ARSF: variants seen among roughly 807,000 people sequenced by gnomAD.
ARSF encodes the protein arylsulfatase F.
In ARSF, 33 loss-of-function variants were observed where a neutral mutation model predicts 35.4. The ratio of observed to expected loss-of-function variants is 0.93; its 90% CI spans 0.71 to 1.25. The LOEUF (loss-of-function observed/expected upper bound fraction) is 1.25. Ranked by LOEUF, ARSF falls within the 50% of genes most tolerant of loss-of-function variation. The pLI, the probability that ARSF is intolerant of heterozygous loss-of-function variation, is 0.00. For missense variants in ARSF, 501 were observed against 480.2 expected (o/e 1.04, Z -0.40); for synonymous variants, 222 against 193.1 (o/e 1.15, Z -1.24).
intron 1 of ARSF, among the ~76,000 whole-genome samples, chrX:3,064,204 A>G (rs961022303): frequency 1.2e-4 from 14 of 112,322 alleles, no homozygotes; most frequent in African/African-American, 4.5e-4. Flanking sequence ...GAAATGGGGA[A>G]AAGATTCCCT....
intron 8 of ARSF, 30 bp from the exon 9 acceptor site, chrX:3,103,732 A>G: frequency 1.7e-6 from 2 of 1,205,438 alleles, no homozygotes; most frequent in Non-Finnish European, 2.2e-6. Context: ...ACTAGGCACA[A>G]TAATTGAACT....
chrX:3,110,032 G>T, intron 9 of ARSF, 96 bp from the exon 10 acceptor site: 1 of 904,973 alleles, frequency 1.1e-6, no homozygotes, highest in Non-Finnish European at 1.5e-6. Flanking sequence ...TGGACCTGAG[G>T]CATGACGCAG....
intron 9 of ARSF, among the ~76,000 whole-genome samples, chrX:3,105,921 C>A (rs758765113): frequency 8.9e-6 from 1 of 112,084 alleles, no homozygotes; most frequent in Non-Finnish European, 1.9e-5. Flanking sequence ...AGGGAGACGG[C>A]AAATGTCCAG....
chrX:3,073,536 A>G (rs866771358), intron 3 of ARSF, among the ~76,000 whole-genome samples: 1 of 89,707 alleles, frequency 1.1e-5, no homozygotes, highest in East Asian at 2.9e-4. Context: ...ATATATTAAT[A>G]AATAAATATA....
intron 9 of ARSF, among the ~76,000 whole-genome samples, chrX:3,108,488 A>C (rs930171179): frequency 1.4e-4 from 16 of 111,495 alleles, no homozygotes; most frequent in African/African-American, 5.2e-4. Context: ...TTCTCATACA[A>C]ATTTTTCACA....
chrX:3,047,538 C>G (rs2089980545), intron 1 of ARSF, among the ~76,000 whole-genome samples: 1 of 110,691 alleles, frequency 9.0e-6, no homozygotes, highest in African/African-American at 3.3e-5. Context: ...GGTGCAGGGC[C>G]CGCAGCTCAC....
At position 3,112,642 on chromosome X, in the gene ARSF, G is replaced by T; in HGVS notation, c.*86G>T. On this transcript the variant is annotated 3_prime_UTR_variant, in exon 11 of 11. Coordinates refer to ENST00000381127, the MANE Select transcript of ARSF (RefSeq NM_001201539.2). Reference sequence around the variant, plus strand: ...GCTACCAAAGGAAGCACTAACTTTGGTGCTTTCAAGTTGGCAAGGAGTGCA... The same window carrying T: ...GCTACCAAAGGAAGCACTAACTTTGTTGCTTTCAAGTTGGCAAGGAGTGCA... The T allele has an allele frequency of 3.7e-6, 4 of 1,067,838 alleles. No homozygotes were observed. The highest frequency in any genetic ancestry group is 4.9e-6 in the Non-Finnish European group (4 of 822,307). 88.0% of individuals were successfully genotyped at this position (1,067,838 alleles called of 1,213,427 possible). A position where few individuals can be genotyped will look rare whatever the true frequency, so the allele number is the denominator to read the frequency against.
intron 6 of ARSF, among the ~76,000 whole-genome samples, chrX:3,086,808 G>A (rs1009354773): frequency 8.1e-5 from 9 of 111,184 alleles, no homozygotes; most frequent in African/African-American, 2.9e-4. Context: ...ACAGAGTGAG[G>A]CCCTGTCTTA....
At chrX:3,093,703 G>C (rs376429873) in intron 7 of ARSF, among the ~76,000 whole-genome samples, 5 of 111,697 alleles carry the variant, frequency 4.5e-5, no homozygotes, top group South Asian at 3.8e-4. Flanking sequence ...AATCATGCAA[G>C]TGCCTGTGTC....
chrX:3,066,177 G>A (rs781161810), intron 1 of ARSF, among the ~76,000 whole-genome samples: 4 of 111,728 alleles, frequency 3.6e-5, no homozygotes, highest in Non-Finnish European at 7.5e-5. Context: ...TCACAAGGTG[G>A]TGTTTGGTTT....
chrX:3,041,295 TTTTC>T (rs1209338675), upstream of ARSF, among the ~76,000 whole-genome samples: 9 of 35,928 alleles, frequency 2.5e-4, no homozygotes, highest in African/African-American at 1.4e-3. Flanking sequence ...TTTCTTTTCT[TTTTC>T]TTTTTTTTTT....
At chrX:3,071,204 C>G (rs1336835874) in intron 2 of ARSF, among the ~76,000 whole-genome samples, 1 of 111,395 alleles carries the variant, frequency 9.0e-6, no homozygotes, top group Non-Finnish European at 1.9e-5. Context: ...TTTCTTTATC[C>G]ACTCATTGAT....
rs755757270 is a variant in ARSF, at chrX:3,084,344, G to A, written c.508G>A (p.Val170Ile). 3.1e-5 allele frequency: 38 copies of A among 1,209,797 alleles called. No individual in the cohort carries two copies. The Middle Eastern group carries it at 6.9e-4, about 22-fold the overall frequency. ...DYYYGMPFTL[V>I]DSCWPDPSRN... is the part of the protein sequence containing the mutation. ...CTACTATGGCATGCCGTTCACTCTC[G>A]TTGACAGCTGCTGGCCGGACCCCTC... Residue 170 changes from valine (V) to isoleucine (I), a missense_variant, in exon 6 of 11, where the codon GTT becomes ATT. Val to Ile is a conservative substitution (Grantham distance 29, BLOSUM62 3). Transcript: ENST00000381127.
intron 2 of ARSF, 129 bp from the exon 3 acceptor site, chrX:3,071,897 C>T: frequency 1.5e-6 from 1 of 669,519 alleles, no homozygotes; most frequent in South Asian, 2.6e-5. Context: ...GAGAGACACT[C>T]TTGAGCTTCA....
At chrX:3,093,291 C>T (rs1317995337) in intron 7 of ARSF, among the ~76,000 whole-genome samples, 3 of 111,661 alleles carry the variant, frequency 2.7e-5, no homozygotes, top group Admixed American at 1.9e-4. Context: ...TCAGGGAGTA[C>T]GCATGCAGGT....
At chrX:3,077,109 C>T (rs2090158513) in intron 4 of ARSF, among the ~76,000 whole-genome samples, 1 of 111,961 alleles carries the variant, frequency 8.9e-6, no homozygotes, top group African/African-American at 3.2e-5. Context: ...CTGGCACACA[C>T]AGCTAGCACT....
chrX:3,076,686 G>A lies in ARSF; in HGVS notation c.283+17G>A. 1.7e-6 allele frequency: 2 copies of A among 1,204,014 alleles called. No homozygotes were observed. Among genetic ancestry groups the A allele is most frequent in the African/African-American group, 3.5e-5 (2 of 57,589 alleles). On this transcript the variant is annotated intron_variant, in intron 4 of 10. Coordinates refer to ENST00000381127, the MANE Select transcript of ARSF (RefSeq NM_001201539.2). ...TCCGATCAGGTGCGCAAACTGGCGG[G>A]CTCTGCTGGGCTCTGCCCTCATGTT... is the stretch of plus-strand genomic sequence containing the variant.
intron 9 of ARSF, among the ~76,000 whole-genome samples, chrX:3,104,977 G>A (rs1207633349): frequency 9.0e-6 from 1 of 111,563 alleles, no homozygotes; most frequent in Admixed American, 9.5e-5. Context: ...AGAGGAGATC[G>A]TTCATACTAC....
At chrX:3,090,667 C>T (rs917520447) in intron 7 of ARSF, among the ~76,000 whole-genome samples, 5 of 112,398 alleles carry the variant, frequency 4.4e-5, no homozygotes, top group Non-Finnish European at 9.4e-5. Context: ...CAGTAGCTCC[C>T]ACTTATAAGT....
Sources: allele counts gnomAD v4.1 joint callset (sites outside exome capture counted in the v4.1 genomes callset), GRCh38; gene constraint gnomAD v4.1.1; transcripts MANE v1.5; gene names NCBI Gene and HGNC (gene_info 2026-07-23, HGNC 2026-07-21).